ACTN4: variants seen among roughly 807,000 people sequenced by gnomAD.
ACTN4 encodes actinin alpha 4, also known as alpha-actinin-4.
A neutral mutation model predicts 114.2 loss-of-function variants in ACTN4; 18 were observed. That is an observed-to-expected ratio of 0.16 (90% CI 0.11 to 0.23). The LOEUF (loss-of-function observed/expected upper bound fraction) is 0.23. ACTN4 is among the 10% of genes least tolerant of loss of function. ACTN4 has a pLI of 1.00. For synonymous variants in ACTN4, 515 were observed against 506.3 expected (o/e 1.02, Z -0.23); for missense variants, 722 against 1,262.9 (o/e 0.57, Z 6.49).
In ACTN4 at chr19:38,717,065, G is replaced by A. The variant is rs750162681; in HGVS notation, c.913-21G>A. 7.5e-6 allele frequency: 12 copies of A among 1,605,274 alleles called. No homozygotes were observed. The highest frequency in any genetic ancestry group is 1.7e-4 in the Middle Eastern group (1 of 6,048). ...TCTGAGGGTCCCCCACAAAGGCCAC[G>A]CTGGCTTCTGTGGCCCACAGCTCCT... On this transcript the variant is annotated intron_variant, in intron 9 of 20. Transcript: ENST00000252699. The surrounding 1 kb of genome is among the most constrained non-coding windows in gnomAD (Gnocchi z 4.0).
intron 1 of ACTN4, among the ~76,000 whole-genome samples, chr19:38,687,066 C>A (rs147483411): frequency 4.9e-4 from 74 of 151,470 alleles, no homozygotes; most frequent in African/African-American, 1.7e-3. Flanking sequence ...TGGGCTCAAG[C>A]GATTCTCTTG....
Position 38,647,783 on chromosome 19 carries a change from A to C in ACTN4, c.38A>C (p.Tyr13Ser), listed in dbSNP as rs1976427989. 1 of 1,555,656 alleles carries C rather than the reference A, an allele frequency of 6.4e-7. No individual in the cohort carries two copies. The highest frequency in any genetic ancestry group is 1.2e-5 in the South Asian group (1 of 84,512). Residue 13 changes from tyrosine to serine, a missense_variant, in exon 1 of 21, where the codon TAC (tyrosine) becomes TCC (serine). Coordinates refer to ENST00000252699, the MANE Select transcript of ACTN4 (RefSeq NM_004924.6). The part of the protein sequence containing the change: ...DYHAANQSYQ[Y>S]GPSSAGNGAG... ...CACGCGGCGAACCAGTCGTACCAGT[A>C]CGGCCCCAGCAGCGCGGGCAATGGC...
At chr19:38,667,659 G>A (rs1967003097) in intron 1 of ACTN4, among the ~76,000 whole-genome samples, 1 of 150,828 alleles carries the variant, frequency 6.6e-6, no homozygotes, top group Non-Finnish European at 1.5e-5. Context: ...GTTATGAAGT[G>A]TGGAAACTGA....
intron 1 of ACTN4, among the ~76,000 whole-genome samples, chr19:38,694,503 G>A (rs562705806): frequency 6.6e-5 from 10 of 151,956 alleles, no homozygotes; most frequent in Non-Finnish European, 1.2e-4. Flanking sequence ...CAAGTGATCC[G>A]CCCGCCTCGG....
At chr19:38,704,363 A>G (rs1268677254) in intron 3 of ACTN4, among the ~76,000 whole-genome samples, 1 of 152,224 alleles carries the variant, frequency 6.6e-6, no homozygotes, top group Non-Finnish European at 1.5e-5. Context: ...GGAAGGGTAC[A>G]TAGGAGGCAG....
At position 38,731,166 on chromosome 19, in the gene ACTN4, C is replaced by T. The variant is rs374233814; in HGVS notation, c.*1734C>T. On this transcript the variant is annotated 3_prime_UTR_variant, in exon 21 of 21. Coordinates refer to ENST00000252699, the MANE Select transcript of ACTN4 (RefSeq NM_004924.6). ...GAACCGCTCGAAGTCCACACGCAGACGGCTATCCCGGTAGCGGCTGGTGAG... is the reference window on the plus strand; with the variant it reads ...GAACCGCTCGAAGTCCACACGCAGATGGCTATCCCGGTAGCGGCTGGTGAG... 106 of 1,613,052 alleles carry T rather than the reference C, an allele frequency of 6.6e-5. No homozygotes were observed. The highest frequency in any genetic ancestry group is 5.1e-4 in the East Asian group (23 of 44,892).
At position 38,701,166 on chromosome 19, in the gene ACTN4, C is replaced by A. The variant is rs1176684601; in HGVS notation, c.397+45C>A. 4 of 1,611,738 alleles carry A rather than the reference C, an allele frequency of 2.5e-6. No homozygotes were observed. The Admixed American group carries it at 5.0e-5, about 20-fold the overall frequency. On this transcript the variant is annotated intron_variant, in intron 3 of 20. Coordinates refer to ENST00000252699, the MANE Select transcript of ACTN4 (RefSeq NM_004924.6). Reference sequence around the variant, plus strand: ...GCGAGGGTCCTGCTCGGTTTCTGACCTTTAGGCTCTGAAGCACAACATCTG... The same window carrying A: ...GCGAGGGTCCTGCTCGGTTTCTGACATTTAGGCTCTGAAGCACAACATCTG...
At chr19:38,653,322 C>T (rs1177562890) in intron 1 of ACTN4, among the ~76,000 whole-genome samples, 4 of 151,760 alleles carry the variant, frequency 2.6e-5, no homozygotes, top group Non-Finnish European at 4.4e-5. Context: ...AATTTGAAAC[C>T]GTTGAGATGA....
chr19:38,708,108 C>G lies in ACTN4; in HGVS notation c.573-9C>G. ...GGCCCTCCTATAACCTTTGCCTTTC[C>G]TTCCCCAGCTGGAAGGATGGTCTTG... On this transcript the variant is annotated splice_polypyrimidine_tract_variant and intron_variant, in intron 5 of 20. Transcript: ENST00000252699. The G allele has an allele frequency of 6.2e-7, 1 of 1,614,194 alleles. No homozygotes were observed. The highest frequency in any genetic ancestry group is 1.1e-5 in the South Asian group (1 of 91,088).
chr19:38,729,450 C>A lies in ACTN4; in HGVS notation c.*18C>A, dbSNP rs1568754380. 6.2e-7 allele frequency: 1 copy of A among 1,612,566 alleles called. No individual in the cohort carries two copies. Among genetic ancestry groups the A allele is most frequent in the East Asian group, 2.2e-5 (1 of 44,832 alleles). ...ACCTGTGAGGCCCCAGAGACCTGAC[C>A]CAACACCCCCGACGGCCTCCAGGAG... is the stretch of plus-strand genomic sequence containing the variant. On this transcript the variant is annotated 3_prime_UTR_variant, in exon 21 of 21. Coordinates refer to ENST00000252699, the MANE Select transcript of ACTN4 (RefSeq NM_004924.6).
At chr19:38,657,381 G>T (rs1194929634) in intron 1 of ACTN4, among the ~76,000 whole-genome samples, 2 of 152,070 alleles carry the variant, frequency 1.3e-5, no homozygotes, top group Non-Finnish European at 2.9e-5. Context: ...GACCTTAAGC[G>T]ATCCACCCAC....
In ACTN4 at chr19:38,672,812, A is replaced by T. The variant is rs557942646; in HGVS notation, c.162+24905A>T. Among the ~76,000 whole-genome samples the T allele has an allele frequency of 1.1e-4, 16 of 152,124 alleles. No individual in the cohort carries two copies. In the East Asian group the frequency reaches 3.1e-3, roughly 30 times the overall value. On this transcript the variant is annotated intron_variant, in intron 1 of 20. Transcript: ENST00000252699. The stretch of plus-strand genomic sequence containing the variant: ...GGTCTCAAACTCCTGAACTCAAGTG[A>T]TCCACCTGCCTTGGCCTCCCAAAGT...
chr19:38,652,670 AG>A (rs1444343754), intron 1 of ACTN4, among the ~76,000 whole-genome samples: 4 of 152,314 alleles, frequency 2.6e-5, no homozygotes, highest in African/African-American at 9.6e-5. Flanking sequence ...CTTGGCCCCA[AG>A]TGGGCTGCCT....
Position 38,647,777 on chromosome 19 carries a change from A to G in ACTN4, c.32A>G (p.Tyr11Cys). MVDYHAANQS[Y>C]QYGPSSAGNG... The stretch of plus-strand genomic sequence containing the variant: ...GACTACCACGCGGCGAACCAGTCGT[A>G]CCAGTACGGCCCCAGCAGCGCGGGC... Residue 11 changes from tyrosine to cysteine, a missense_variant, in exon 1 of 21, where the codon TAC becomes TGC. Physicochemically the swap from Tyr to Cys is radical, Grantham distance 194 (BLOSUM62 -2). Transcript: ENST00000252699. 6.4e-7 allele frequency: 1 copy of G among 1,555,262 alleles called. No homozygotes were observed. The highest frequency in any genetic ancestry group is 1.7e-4 in the Middle Eastern group (1 of 5,846).
Position 38,690,363 on chromosome 19 carries a change from G to A in ACTN4, c.163-10237G>A, listed in dbSNP as rs977336948. 2.6e-5 allele frequency among the ~76,000 whole-genome samples: 4 copies of A among 152,212 alleles called. No individual in the cohort carries two copies. In the South Asian group the frequency reaches 8.3e-4, roughly 31 times the overall value. On this transcript the variant is annotated intron_variant, in intron 1 of 20. Coordinates refer to ENST00000252699, the MANE Select transcript of ACTN4 (RefSeq NM_004924.6). ...TGCTGCATTTCTGATCCAGCGAGGC[G>A]CCCATTGCTGCTCATTCGGGCTAGA...
chr19:38,684,748 T>G (rs1284902694), intron 1 of ACTN4, among the ~76,000 whole-genome samples: 1 of 152,174 alleles, frequency 6.6e-6, no homozygotes, highest in African/African-American at 2.4e-5. Flanking sequence ...CCTATTTTGA[T>G]CTCTTCTTTT....
chr19:38,725,397 G>A (rs973400805), intron 16 of ACTN4, among the ~76,000 whole-genome samples: 3 of 152,234 alleles, frequency 2.0e-5, no homozygotes, highest in Non-Finnish European at 4.4e-5. Context: ...GCTGTCCTCC[G>A]TGAGCCTCGG....
At chr19:38,721,492 C>G in intron 11 of ACTN4, 46 bp from the exon 12 acceptor site, 2 of 1,611,856 alleles carry the variant, frequency 1.2e-6, no homozygotes, top group Non-Finnish European at 8.5e-7. Flanking sequence ...GACTCCTGCC[C>G]CACAGCTGCC....
chr19:38,721,419 G>A, intron 11 of ACTN4, 119 bp from the exon 12 acceptor site: 1 of 1,231,674 alleles, frequency 8.1e-7, no homozygotes, highest in Non-Finnish European at 1.2e-6. Context: ...CACTGTCATT[G>A]GCATGGAAGG....
Sources: allele counts gnomAD v4.1 joint callset (sites outside exome capture counted in the v4.1 genomes callset), GRCh38; gene constraint gnomAD v4.1.1; non-coding constraint Gnocchi (gnomAD v3.1); transcripts MANE v1.5; gene names NCBI Gene and HGNC (gene_info 2026-07-23, HGNC 2026-07-21).